The following KDM5B variants were observed in gnomAD, a reference collection of about 807,000 sequenced individuals.
The protein encoded by KDM5B is lysine demethylase 5B, also known as lysine-specific demethylase 5B.
Under a neutral mutation model 193.4 loss-of-function variants are expected in KDM5B, and 144 were observed. The ratio of observed to expected loss-of-function variants is 0.74; its 90% CI spans 0.65 to 0.86. The LOEUF (loss-of-function observed/expected upper bound fraction) is 0.86, where lower values mean the gene tolerates loss of function less well. Ranked by LOEUF, KDM5B falls within the 40% of genes least tolerant of loss-of-function variation. The probability of loss-of-function intolerance (pLI) is 0.00; values close to 1 mark genes in which losing one functional copy is unlikely to be tolerated. For missense variants in KDM5B, 1,833 were observed against 1,886.9 expected (o/e 0.97, Z 0.53); for synonymous variants, 668 against 682.6 (o/e 0.98, Z 0.33).
At position 202,746,152 on chromosome 1, in the gene KDM5B, ATTTG is replaced by A. The variant is rs1373326358; in HGVS notation, c.2184_2187del (p.Lys729IlefsTer15). 1 of 1,605,926 alleles carries A rather than the reference ATTTG, an allele frequency of 6.2e-7. No homozygotes were observed. The highest frequency in any genetic ancestry group is 1.3e-5 in the African/African-American group (1 of 74,390). ...GTTCTTCCTACTTACCGCAATTTAT[ATTTG>A]TAAGGAGGACAGGAACACAATTCTT... On this transcript the variant is annotated frameshift_variant, in exon 15 of 27. Coordinates refer to ENST00000367265, the MANE Select transcript of KDM5B (RefSeq NM_006618.5). LOFTEE classifies it high-confidence loss of function.
chr1:202,795,650 CAA>C (rs544149895), intron 1 of KDM5B, among the ~76,000 whole-genome samples: 9 of 124,896 alleles, frequency 7.2e-5, no homozygotes, highest in Admixed American at 1.7e-4. Context: ...GACTCCATCT[CAA>C]AAAAAAAAAA....
chr1:202,763,580 C>T (rs541666283), intron 6 of KDM5B, among the ~76,000 whole-genome samples: 13 of 152,252 alleles, frequency 8.5e-5, no homozygotes, highest in African/African-American at 3.1e-4. Flanking sequence ...TAAGATTTCT[C>T]TTAAAAGAAT....
Position 202,773,215 on chromosome 1 carries a change from C to T in KDM5B, c.479G>A (p.Gly160Glu), listed in dbSNP as rs1656794931. 6.2e-7 allele frequency: 1 copy of T among 1,613,864 alleles called. No homozygotes were observed. Among genetic ancestry groups the T allele is most frequent in the African/African-American group, 1.3e-5 (1 of 74,898 alleles). ...GCCCACTGCTTTGCCAGGAGCAAAC[C>T]CCATCTTGGTAGCAATTTTGGTCCA... ...RKWTKIATKMGFAPGKAVGSH... is the reference protein window; with the variant it reads ...RKWTKIATKMEFAPGKAVGSH... The change falls in exon 4 of 27, where the codon GGG becomes GAG. Residue 160 changes from glycine (G) to glutamate (E), a missense_variant. By Grantham distance (98) the Gly-to-Glu change is moderately conservative. Transcript: ENST00000367265.
At chr1:202,808,022 G>C in intron 1 of KDM5B, 80 bp downstream of exon 1, 2 of 1,369,282 alleles carry the variant, frequency 1.5e-6, no homozygotes, top group Admixed American at 5.9e-5. Flanking sequence ...CGCCCCCCGC[G>C]CCTCGGGCCT....
In KDM5B at chr1:202,736,246, G is replaced by T. The variant is rs1226771969; in HGVS notation, c.3231C>A (p.Phe1077Leu). The T allele has an allele frequency of 6.2e-7, 1 of 1,600,040 alleles. No homozygotes were observed. The highest frequency in any genetic ancestry group is 1.7e-5 in the Admixed American group (1 of 57,220). The change falls in exon 21 of 27, where the codon TTC (phenylalanine) becomes TTA (leucine). Residue 1077 changes from phenylalanine (F) to leucine (L), a missense_variant. Coordinates refer to ENST00000367265, the MANE Select transcript of KDM5B (RefSeq NM_006618.5). ...GAGAATATGGAGAATTCTCAGTCAAGAATGTATTAACAGCACATTCTTTCC... is the reference window on the plus strand; with the variant it reads ...GAGAATATGGAGAATTCTCAGTCAATAATGTATTAACAGCACATTCTTTCC... ...QAWKECAVNT[F>L]LTENSPYSLL...
rs534306109 is a variant in KDM5B at position 202,726,150 on chromosome 1, A to G, written c.*2886T>C. ...CTTTTGATGGTGGGTATAATGGCAA[A>G]TCAGGTGCATTTCAGACACTTCTGC... is the stretch of plus-strand genomic sequence containing the variant. On this transcript the variant is annotated 3_prime_UTR_variant, in exon 27 of 27. Transcript: ENST00000367265. The G allele has an allele frequency of 1.3e-5, 2 of 152,332 alleles. No homozygotes were observed. The highest frequency in any genetic ancestry group is 2.1e-4 in the South Asian group (1 of 4,826). 9.4% of individuals were successfully genotyped at this position (152,332 alleles called of 1,614,324 possible).
chr1:202,795,178 A>C (rs868514105), intron 1 of KDM5B, among the ~76,000 whole-genome samples: 21 of 152,042 alleles, frequency 1.4e-4, no homozygotes, highest in Non-Finnish European at 1.9e-4. Context: ...ACACTACTGC[A>C]CTCCAGCCTG....
intron 4 of KDM5B, among the ~76,000 whole-genome samples, chr1:202,772,700 T>A (rs1438969803): frequency 6.6e-6 from 1 of 152,050 alleles, no homozygotes; most frequent in Admixed American, 6.6e-5. Flanking sequence ...AGGTCTTTTT[T>A]TTTTTTTCAG....
intron 22 of KDM5B, among the ~76,000 whole-genome samples, chr1:202,735,168 A>G (rs1655045985): frequency 6.6e-6 from 1 of 152,184 alleles, no homozygotes; most frequent in African/African-American, 2.4e-5. Context: ...GCATTCCTGG[A>G]TCAACCCACA....
intron 9 of KDM5B, among the ~76,000 whole-genome samples, chr1:202,757,459 A>G (rs1367818704): frequency 6.6e-6 from 1 of 152,242 alleles, no homozygotes; most frequent in Non-Finnish European, 1.5e-5. Context: ...TTAAATGTCT[A>G]TCCCTCAATG....
At chr1:202,752,535 T>C (rs1399283548) in intron 12 of KDM5B, among the ~76,000 whole-genome samples, 2 of 152,338 alleles carry the variant, frequency 1.3e-5, no homozygotes, top group East Asian at 1.9e-4. Flanking sequence ...CCCATGACTG[T>C]ATAGTTGTCA....
In KDM5B at chr1:202,728,672, G is replaced by A. The variant is rs1194580425; in HGVS notation, c.*364C>T. 6.0e-6 allele frequency: 1 copy of A among 167,038 alleles called. No individual in the cohort carries two copies. Among genetic ancestry groups the A allele is most frequent in the Non-Finnish European group, 1.3e-5 (1 of 77,030 alleles). The allele number at this position is 167,038 out of a possible 1,614,324, so 10.3% of individuals were successfully genotyped here. A position where few individuals can be genotyped will look rare whatever the true frequency, so the allele number is the denominator to read the frequency against. On this transcript the variant is annotated 3_prime_UTR_variant, in exon 27 of 27. Coordinates refer to ENST00000367265, the MANE Select transcript of KDM5B (RefSeq NM_006618.5). ...GGGTGCCCTTTTGGGCACTGGAAGT[G>A]AGTTGGACTCTTAAGCTGGTAAATC...
intron 1 of KDM5B, among the ~76,000 whole-genome samples, chr1:202,793,263 T>G (rs1226925483): frequency 6.6e-6 from 1 of 152,214 alleles, no homozygotes; most frequent in Non-Finnish European, 1.5e-5. Flanking sequence ...TGCTTTTGTT[T>G]TTGTTTTGCT....
chr1:202,787,597 T>C (rs1200987337), intron 1 of KDM5B, among the ~76,000 whole-genome samples: 2 of 151,916 alleles, frequency 1.3e-5, no homozygotes, highest in Admixed American at 6.6e-5. Context: ...GTTAAAAGTA[T>C]GTGAAGTAGG....
intron 1 of KDM5B, among the ~76,000 whole-genome samples, chr1:202,806,244 G>A (rs1026562706): frequency 2.6e-5 from 4 of 152,156 alleles, no homozygotes; most frequent in Admixed American, 6.5e-5. Flanking sequence ...CAACATGGAG[G>A]ACACCTCCCA....
In KDM5B at chr1:202,726,385, C is replaced by A. The variant is rs1305977873; in HGVS notation, c.*2651G>T. ...TAGTCCAAATTACATAACCTTTCTC[C>A]AGGATAGAGGCTACATATAATCAAG... On this transcript the variant is annotated 3_prime_UTR_variant, in exon 27 of 27. Coordinates refer to ENST00000367265, the MANE Select transcript of KDM5B (RefSeq NM_006618.5). 5 of 152,168 alleles carry A rather than the reference C, an allele frequency of 3.3e-5. No individual in the cohort carries two copies. Among genetic ancestry groups the A allele is most frequent in the African/African-American group, 1.2e-4 (5 of 41,422 alleles). The allele number at this position is 152,168 out of a possible 1,614,324, so 9.4% of individuals were successfully genotyped here.
intron 18 of KDM5B, among the ~76,000 whole-genome samples, chr1:202,742,185 A>C (rs1050257157): frequency 3.3e-5 from 5 of 152,122 alleles, no homozygotes; most frequent in African/African-American, 1.2e-4. Flanking sequence ...GGTCACTTTC[A>C]AAGTAAAAAT....
chr1:202,779,841 AAAT>A (rs1227727457), intron 1 of KDM5B, among the ~76,000 whole-genome samples: 3 of 144,202 alleles, frequency 2.1e-5, no homozygotes, highest in African/African-American at 5.0e-5. Context: ...ATAAATAAAT[AAAT>A]AAAAAATAAA....
At chr1:202,779,912 C>T (rs6686266) in intron 1 of KDM5B, among the ~76,000 whole-genome samples, 8,952 of 151,800 alleles carry the variant, frequency 0.059, 456 homozygotes, top group East Asian at 0.25. Flanking sequence ...TAGGAATGTA[C>T]GATTATTATG....
Sources: gnomAD v4.1 joint callset for allele counts (sites outside exome capture counted in the v4.1 genomes callset) on GRCh38, gnomAD v4.1.1 for gene constraint, MANE v1.5 for transcripts, NCBI Gene and HGNC (gene_info 2026-07-23, HGNC 2026-07-21) for gene names.